Variants in QTMAN observed in about 807,000 individuals in gnomAD.
QTMAN encodes queuosine-tRNA mannosyltransferase.
At chr2:144,047,890 T>C in the QTMAN span, among the ~76,000 whole-genome samples, 1 of 152,346 alleles carries the variant, frequency 6.6e-6, no homozygotes, top group African/African-American at 2.4e-5. Context: ...TGTAAAGCAA[T>C]TGTAACTTGC....
chr2:143,960,124 T>C, the QTMAN span, among the ~76,000 whole-genome samples: 3 of 152,242 alleles, frequency 2.0e-5, no homozygotes, highest in African/African-American at 7.2e-5. Context: ...GTCAAAAGTT[T>C]GAAAACACAG....
the QTMAN span, chr2:144,145,744 G>A: frequency 1.6e-5 from 25 of 1,605,362 alleles, no homozygotes. Flanking sequence ...AGGGTCCTAG[G>A]AAACAAGAAA....
At chr2:144,130,145 GCCACCC>G in the QTMAN span, among the ~76,000 whole-genome samples, 2 of 148,852 alleles carry the variant, frequency 1.3e-5, no homozygotes, top group Admixed American at 1.3e-4. Flanking sequence ...ACTTTTCCCA[GCCACCC>G]CCACAGGGGA....
the QTMAN span, among the ~76,000 whole-genome samples, chr2:144,021,005 G>A: frequency 6.6e-6 from 1 of 151,560 alleles, no homozygotes; most frequent in Non-Finnish European, 1.5e-5. Flanking sequence ...TAAGGAGGAT[G>A]GGAAAAGAGA....
the QTMAN span, among the ~76,000 whole-genome samples, chr2:143,982,224 TTC>T: frequency 6.6e-6 from 1 of 151,564 alleles, no homozygotes; most frequent in Non-Finnish European, 1.5e-5. Flanking sequence ...CTTTTCTTTT[TTC>T]TTTCTTTCTC....
the QTMAN span, chr2:144,317,429 GGA>G: frequency 6.6e-6 from 1 of 151,500 alleles, no homozygotes; most frequent in Non-Finnish European, 1.5e-5. Context: ...AAGGAAGGAA[GGA>G]AGGGACAATA....
At chr2:144,119,722 A>C in the QTMAN span, among the ~76,000 whole-genome samples, 2 of 152,230 alleles carry the variant, frequency 1.3e-5, no homozygotes, top group African/African-American at 4.8e-5. Flanking sequence ...CTGTCTCAAG[A>C]AACAAAGAAA....
At chr2:144,164,330 G>A in the QTMAN span, among the ~76,000 whole-genome samples, 11 of 152,098 alleles carry the variant, frequency 7.2e-5, no homozygotes, top group Admixed American at 7.2e-4. Context: ...GGTGTGAGAT[G>A]TGTAAGGTGC....
chr2:144,185,916 T>C, the QTMAN span, among the ~76,000 whole-genome samples: 1 of 152,184 alleles, frequency 6.6e-6, no homozygotes, highest in Non-Finnish European at 1.5e-5. Flanking sequence ...AGATAGTTTG[T>C]AGAAAAGATT....
At chr2:144,289,021 A>C in the QTMAN span, among the ~76,000 whole-genome samples, 1 of 151,668 alleles carries the variant, frequency 6.6e-6, no homozygotes, top group African/African-American at 2.4e-5. Flanking sequence ...TTGTTGGACA[A>C]GAAAATTCTT....
At chr2:144,253,675 G>A in the QTMAN span, among the ~76,000 whole-genome samples, 1,320 of 151,986 alleles carry the variant, frequency 8.7e-3, 14 homozygotes, top group African/African-American at 0.03. Context: ...CTGGGTATCT[G>A]GCAGAAGAAA....
chr2:144,018,994 G>A, the QTMAN span, among the ~76,000 whole-genome samples: 1 of 152,176 alleles, frequency 6.6e-6, no homozygotes. Flanking sequence ...ATAAAGCCCA[G>A]GGCAAGAGAG....
the QTMAN span, among the ~76,000 whole-genome samples, chr2:144,188,986 C>T: frequency 6.6e-6 from 1 of 152,070 alleles, no homozygotes; most frequent in Non-Finnish European, 1.5e-5. Context: ...TAAAACAAAA[C>T]AAACAGAATT....
At chr2:144,057,439 A>T in the QTMAN span, among the ~76,000 whole-genome samples, 153 of 152,334 alleles carry the variant, frequency 1.0e-3, no homozygotes, top group Non-Finnish European at 1.5e-3. Flanking sequence ...TCTTGCCTTC[A>T]TGAAGCTCCC....
At chr2:144,097,609 G>A in the QTMAN span, among the ~76,000 whole-genome samples, 1 of 152,116 alleles carries the variant, frequency 6.6e-6, no homozygotes, top group South Asian at 2.1e-4. Flanking sequence ...TCATACACAT[G>A]TGCAACCACT....
the QTMAN span, among the ~76,000 whole-genome samples, chr2:144,053,238 T>C: frequency 6.6e-6 from 1 of 152,214 alleles, no homozygotes; most frequent in African/African-American, 2.4e-5. Flanking sequence ...TAAATGTACA[T>C]ATATGTACCA....
chr2:144,098,658 T>G, the QTMAN span, among the ~76,000 whole-genome samples: 1 of 150,142 alleles, frequency 6.7e-6, no homozygotes, highest in East Asian at 1.9e-4. Context: ...GACGTTGCAG[T>G]GAGCCGAGAT....
the QTMAN span, among the ~76,000 whole-genome samples, chr2:144,282,372 C>A: frequency 6.8e-6 from 1 of 146,830 alleles, no homozygotes; most frequent in African/African-American, 2.5e-5. Flanking sequence ...TATATTTCAC[C>A]CATATATAAT....
At chr2:144,136,429 G>A in the QTMAN span, among the ~76,000 whole-genome samples, 3 of 147,464 alleles carry the variant, frequency 2.0e-5, no homozygotes, top group African/African-American at 5.0e-5. Flanking sequence ...GGAAAGGAAA[G>A]GAAAGGAAAA....
Sources: gnomAD v4.1 joint callset for allele counts (sites outside exome capture counted in the v4.1 genomes callset) on GRCh38, gnomAD v4.1.1 for gene constraint, MANE v1.5 for transcripts, NCBI Gene and HGNC (gene_info 2026-07-23, HGNC 2026-07-21) for gene names.